Variants in CRTC3 observed in about 807,000 individuals in gnomAD.
CRTC3 encodes CREB-regulated transcription coactivator 3.
A neutral mutation model predicts 74.5 loss-of-function variants in CRTC3; 26 were observed. The ratio of observed to expected loss-of-function variants is 0.35; its 90% CI spans 0.26 to 0.48. The LOEUF (loss-of-function observed/expected upper bound fraction) is 0.48. Ranked by LOEUF, CRTC3 falls within the 20% of genes least tolerant of loss-of-function variation. CRTC3 has a pLI of 0.99. For missense variants in CRTC3, 760 were observed against 787.3 expected, an observed-to-expected ratio of 0.97 and a Z score of 0.41; for synonymous variants, 377 against 325.8, an observed-to-expected ratio of 1.16 and a Z score of -1.69.
intron 11 of CRTC3, among the ~76,000 whole-genome samples, chr15:90,632,188 T>C (rs1179270190): frequency 6.6e-6 from 1 of 152,154 alleles, no homozygotes; most frequent in Non-Finnish European, 1.5e-5. Context: ...TTTTGCAAGA[T>C]TATTTTATAA....
At chr15:90,612,073 TCCTCCTCCG>T (rs1252006809) in intron 6 of CRTC3, among the ~76,000 whole-genome samples, 1 of 79,290 alleles carries the variant, frequency 1.3e-5, no homozygotes, top group Non-Finnish European at 2.5e-5. Flanking sequence ...CACCTCCTCC[TCCTCCTCCG>T]CCTCCTCCTC....
Position 90,644,784 on chromosome 15 carries a change from T to G in CRTC3, c.*2644T>G, listed in dbSNP as rs1393108125. 4.3e-6 allele frequency: 1 copy of G among 232,604 alleles called. No homozygotes were observed. The highest frequency in any genetic ancestry group is 6.0e-5 in the East Asian group (1 of 16,548). 14.4% of individuals were successfully genotyped at this position (232,604 alleles called of 1,614,324 possible). On this transcript the variant is annotated 3_prime_UTR_variant, in exon 15 of 15. Transcript: ENST00000268184. ...GCCTTTGTAACAAAACCAGTTGTGG[T>G]CCTCAGCATTTGAAGCAGCTGCATA...
intron 1 of CRTC3, among the ~76,000 whole-genome samples, chr15:90,534,686 C>T (rs1966688344): frequency 2.6e-5 from 4 of 152,192 alleles, no homozygotes; most frequent in South Asian, 2.1e-4. Context: ...CATTTCTGGA[C>T]GGCACCAGTT....
intron 2 of CRTC3, among the ~76,000 whole-genome samples, chr15:90,575,593 A>C (rs1343483776): frequency 6.6e-6 from 1 of 152,232 alleles, no homozygotes; most frequent in African/African-American, 2.4e-5. Flanking sequence ...CCGATAGTTT[A>C]AATGCTACTT....
intron 2 of CRTC3, among the ~76,000 whole-genome samples, chr15:90,548,569 A>C (rs767902105): frequency 2.0e-4 from 31 of 152,182 alleles, no homozygotes; most frequent in Non-Finnish European, 2.4e-4. Context: ...AGTTTTCATA[A>C]GGTTCTTTAA....
At position 90,572,480 on chromosome 15, in the gene CRTC3, C is replaced by T. The variant is rs560657068; in HGVS notation, c.232-21156C>T. 6.6e-5 allele frequency among the ~76,000 whole-genome samples: 10 copies of T among 152,144 alleles called. 1 individual carries two copies. In the South Asian group the frequency reaches 1.7e-3, roughly 25 times the overall value. ...CATTTAAAATTAAGGTAGATATTAC[C>T]GTATTATTCCCTGTTAAGGTGATAT... On this transcript the variant is annotated intron_variant, in intron 2 of 14. Transcript: ENST00000268184.
intron 4 of CRTC3, among the ~76,000 whole-genome samples, chr15:90,603,305 T>C (rs1228168144): frequency 2.7e-4 from 40 of 149,142 alleles, no homozygotes; most frequent in Non-Finnish European, 4.8e-4. Context: ...TAGCCGGGCG[T>C]GGTGGCAGGC....
intron 8 of CRTC3, among the ~76,000 whole-genome samples, chr15:90,619,211 C>T (rs1316367721): frequency 3.9e-5 from 6 of 152,190 alleles, no homozygotes; most frequent in African/African-American, 1.4e-4. Flanking sequence ...AATCCCAGCA[C>T]TTTGGGAGGC....
chr15:90,560,636 TC>T (rs1336857078), intron 2 of CRTC3, among the ~76,000 whole-genome samples: 5 of 152,212 alleles, frequency 3.3e-5, no homozygotes, highest in Non-Finnish European at 7.3e-5. Flanking sequence ...TCGTGTGACT[TC>T]CTATCAGGCC....
At chr15:90,538,474 C>T (rs1193806937) in intron 1 of CRTC3, among the ~76,000 whole-genome samples, 1 of 152,004 alleles carries the variant, frequency 6.6e-6, no homozygotes, top group Non-Finnish European at 1.5e-5. Flanking sequence ...ATTTCGTATG[C>T]CTTTAAAATT....
At chr15:90,602,890 C>A (rs998023274) in intron 4 of CRTC3, among the ~76,000 whole-genome samples, 6 of 151,998 alleles carry the variant, frequency 3.9e-5, no homozygotes, top group African/African-American at 1.5e-4. Context: ...AGGAGAGTTG[C>A]TTGAACCAGA....
At chr15:90,601,190 G>A (rs953782642) in intron 3 of CRTC3, among the ~76,000 whole-genome samples, 1 of 152,168 alleles carries the variant, frequency 6.6e-6, no homozygotes, top group Non-Finnish European at 1.5e-5. Context: ...GCGCCCCTCT[G>A]CTCGGTGTGT....
chr15:90,638,329 G>C (rs1003762055), intron 11 of CRTC3, 117 bp from the exon 12 acceptor site: 11 of 827,394 alleles, frequency 1.3e-5, no homozygotes, highest in East Asian at 7.7e-5. Flanking sequence ...GCATTGCACA[G>C]AACACCGCGG....
intron 2 of CRTC3, among the ~76,000 whole-genome samples, chr15:90,540,554 C>T (rs1442236826): frequency 6.6e-6 from 1 of 152,146 alleles, no homozygotes; most frequent in Non-Finnish European, 1.5e-5. Flanking sequence ...TGGCAGATCA[C>T]CTGAGGTCAG....
intron 4 of CRTC3, 77 bp from the exon 5 acceptor site, chr15:90,604,308 A>C: frequency 9.1e-7 from 1 of 1,104,916 alleles, no homozygotes; most frequent in South Asian, 1.2e-5. Context: ...GCCAGTTCTC[A>C]AATGCAAGTG....
At chr15:90,533,242 A>G (rs1966660521) in intron 1 of CRTC3, among the ~76,000 whole-genome samples, 1 of 150,836 alleles carries the variant, frequency 6.6e-6, no homozygotes, top group African/African-American at 2.4e-5. Context: ...TCTTTACTAA[A>G]ACTACAAAAA....
Position 90,541,930 on chromosome 15 carries a change from G to A in CRTC3, c.231+1793G>A, listed in dbSNP as rs969990868. ...CTCCTGAGTAGCTGGGATTACAGGC[G>A]TGCACTACCACGCCCAGCTAATTTT... On this transcript the variant is annotated intron_variant, in intron 2 of 14. Coordinates refer to ENST00000268184, the MANE Select transcript of CRTC3 (RefSeq NM_022769.5). Among the ~76,000 whole-genome samples, 6 of 151,514 alleles carry A rather than the reference G, an allele frequency of 4.0e-5. No homozygotes were observed. In the South Asian group the frequency reaches 6.3e-4, roughly 16 times the overall value.
chr15:90,638,567 G>A lies in CRTC3; in HGVS notation c.1388G>A (p.Arg463His), dbSNP rs752652834. The change falls in exon 12 of 15, where the codon CGC becomes CAC. Residue 463 changes from arginine (R) to histidine (H), a missense_variant. Transcript: ENST00000268184. The stretch of plus-strand genomic sequence containing the variant: ...ACCCAGCCCCTCCTGCAGCAGCCCC[G>A]CGCCCCTGAGGCCCCTGCCCAGCAG... The part of the protein sequence containing the change: ...ELTQPLLQQP[R>H]APEAPAQQPQ... 1.3e-5 allele frequency: 21 copies of A among 1,612,724 alleles called. No individual in the cohort carries two copies. Among genetic ancestry groups the A allele is most frequent in the Middle Eastern group, 1.6e-4 (1 of 6,084 alleles).
At position 90,607,460 on chromosome 15, in the gene CRTC3, T is replaced by C; in HGVS notation, c.559T>C (p.Trp187Arg). The C allele has an allele frequency of 1.9e-6, 3 of 1,609,922 alleles. No homozygotes were observed. Among genetic ancestry groups the C allele is most frequent in the Non-Finnish European group, 2.5e-6 (3 of 1,176,824 alleles). The change falls in exon 6 of 15, where the codon TGG becomes CGG. Residue 187 changes from tryptophan (W) to arginine (R), a missense_variant. By Grantham distance (101) the Trp-to-Arg change is moderately radical (BLOSUM62 -3). Coordinates refer to ENST00000268184, the MANE Select transcript of CRTC3 (RefSeq NM_022769.5). ...DPYGGGGQSAWPAPYMGFCDG... is the reference protein window; with the variant it reads ...DPYGGGGQSARPAPYMGFCDG... ...CTATGGAGGAGGGGGCCAGTCGGCC[T>C]GGCCTGCCCCATACATGGGTAAGAC...
Sources: gnomAD v4.1 joint callset for allele counts (sites outside exome capture counted in the v4.1 genomes callset) on GRCh38, gnomAD v4.1.1 for gene constraint, MANE v1.5 for transcripts, NCBI Gene and HGNC (gene_info 2026-07-23, HGNC 2026-07-21) for gene names.